Variants in CA12 observed in about 807,000 individuals in gnomAD.
CA12 encodes the protein carbonic anhydrase 12.
Under a neutral mutation model 46.8 loss-of-function variants are expected in CA12, and 36 were observed. The ratio of observed to expected loss-of-function variants is 0.77; its 90% CI spans 0.59 to 1.02. The LOEUF is 1.02. CA12 is among the 50% of genes least tolerant of loss of function. The pLI, the probability that CA12 is intolerant of heterozygous loss-of-function variation, is 0.00. For missense variants in CA12, 436 were observed against 451.4 expected, an observed-to-expected ratio of 0.97 and a Z score of 0.31; for synonymous variants, 202 against 187.0, an observed-to-expected ratio of 1.08 and a Z score of -0.65.
rs1438613364 is a variant in CA12 at position 63,331,055 on chromosome 15, AG to A, written c.875-2926del. Among the ~76,000 whole-genome samples the A allele has an allele frequency of 6.6e-6, 1 of 152,252 alleles. No individual in the cohort carries two copies. The highest frequency in any genetic ancestry group is 1.5e-5 in the Non-Finnish European group (1 of 68,044). On this transcript the variant is annotated intron_variant, in intron 8 of 10. Coordinates refer to ENST00000178638, the MANE Select transcript of CA12 (RefSeq NM_001218.5). The surrounding 1 kb of genome is among the most constrained non-coding windows in gnomAD (Gnocchi z 5.3). The stretch of plus-strand genomic sequence containing the variant: ...TGTCACCCGATAGTTCCACCACCTC[AG>A]GAAGCCCAGGGCAGGAAGGTGTTGT...
At position 63,338,864 on chromosome 15, in the gene CA12, C is replaced by T. The variant is rs764265301; in HGVS notation, c.829G>A (p.Val277Ile). 2.5e-6 allele frequency: 4 copies of T among 1,614,178 alleles called. No homozygotes were observed. The South Asian group carries it at 4.4e-5, about 18-fold the overall frequency. ...PREMINNFRQ[V>I]QKFDERLVYT... The stretch of plus-strand genomic sequence containing the variant: ...ACCAGCCTCTCATCGAACTTCTGGA[C>T]CTGCCGGAAGTTGTTGATCATTTCT... Residue 277 changes from valine (V) to isoleucine (I), a missense_variant, in exon 8 of 11, where the codon GTC (valine) becomes ATC (isoleucine). Val to Ile is a conservative substitution (Grantham distance 29). Coordinates refer to ENST00000178638, the MANE Select transcript of CA12 (RefSeq NM_001218.5).
intron 8 of CA12, among the ~76,000 whole-genome samples, chr15:63,333,865 G>T (rs1462831836): frequency 6.6e-6 from 1 of 152,196 alleles, no homozygotes; most frequent in Admixed American, 6.5e-5. Flanking sequence ...GCCCACTAAT[G>T]ATGTGATTAT....
chr15:63,374,357 T>A lies in CA12; in HGVS notation c.106+1301A>T, dbSNP rs1164437231. Among the ~76,000 whole-genome samples, 1 of 152,154 alleles carries A rather than the reference T, an allele frequency of 6.6e-6. No homozygotes were observed. Among genetic ancestry groups the A allele is most frequent in the South Asian group, 2.1e-4 (1 of 4,824 alleles). ...TCCAAGGCCCAGGTGAAAGCCCTCC[T>A]CCTCCAGGAGGCCTTCCCTGACCAT... On this transcript the variant is annotated intron_variant, in intron 2 of 10. Transcript: ENST00000178638. This position sits in a 1 kb window ranked among gnomAD's most constrained non-coding sequence, Gnocchi z 4.4.
At chr15:63,366,981 G>C (rs1011121900) in intron 2 of CA12, among the ~76,000 whole-genome samples, 2 of 152,176 alleles carry the variant, frequency 1.3e-5, no homozygotes, top group African/African-American at 4.8e-5. Flanking sequence ...GAGTGCAGTG[G>C]TATGATCTTG....
chr15:63,342,050 A>G lies in CA12; in HGVS notation c.477T>C (p.Thr159=), dbSNP rs2039085458. ...CGAGGCCTTCTGACTTGTTGCTGGCAGTGCTGGCGTCAGGATAAAGGTCTG... is the reference window on the plus strand; with the variant it reads ...CGAGGCCTTCTGACTTGTTGCTGGCGGTGCTGGCGTCAGGATAAAGGTCTG... ...YNSDLYPDAS[T]ASNKSEGLAV... Residue 159 remains threonine (T), a synonymous_variant, in exon 5 of 11, where the codon ACT becomes ACC. Transcript: ENST00000178638. The G allele has an allele frequency of 1.2e-6, 2 of 1,611,846 alleles. No homozygotes were observed. The highest frequency in any genetic ancestry group is 2.2e-5 in the South Asian group (2 of 91,032).
At chr15:63,333,596 T>C (rs535970495) in intron 8 of CA12, among the ~76,000 whole-genome samples, 1 of 152,360 alleles carries the variant, frequency 6.6e-6, no homozygotes, top group East Asian at 1.9e-4. Flanking sequence ...CTTTTACTTA[T>C]AAATGGAAAC....
chr15:63,348,131 A>G lies in CA12; in HGVS notation c.107-1422T>C, dbSNP rs999596006. Among the ~76,000 whole-genome samples, 2 of 152,322 alleles carry G rather than the reference A, an allele frequency of 1.3e-5. No individual in the cohort carries two copies. Among genetic ancestry groups the G allele is most frequent in the Non-Finnish European group, 2.9e-5 (2 of 68,034 alleles). ...CTTACTTCTAGGTCCGGACACACAC[A>G]TCGGAACCCTACTGATTTTTCAGGC... On this transcript the variant is annotated intron_variant, in intron 2 of 10. Transcript: ENST00000178638. The surrounding 1 kb of genome is among the most constrained non-coding windows in gnomAD (Gnocchi z 4.6).
rs1202845795 is a variant in CA12, at chr15:63,327,378, C to T, written c.908-145G>A. On this transcript the variant is annotated intron_variant, in intron 9 of 10. Transcript: ENST00000178638. The surrounding 1 kb of genome is among the most constrained non-coding windows in gnomAD (Gnocchi z 4.5). Reference sequence around the variant, plus strand: ...CCCATCCCTGTTCTCAGATTCTGGTCTTTGGCTTAGTGGGACTGGCTGGAG... The same window carrying T: ...CCCATCCCTGTTCTCAGATTCTGGTTTTTGGCTTAGTGGGACTGGCTGGAG... 5 of 749,718 alleles carry T rather than the reference C, an allele frequency of 6.7e-6. No homozygotes were observed. Among genetic ancestry groups the T allele is most frequent in the Non-Finnish European group, 1.2e-5 (5 of 429,654 alleles). 46.4% of individuals were successfully genotyped at this position (749,718 alleles called of 1,614,324 possible).
At chr15:63,356,270 G>A (rs2039294531) in intron 2 of CA12, among the ~76,000 whole-genome samples, 1 of 152,158 alleles carries the variant, frequency 6.6e-6, no homozygotes, top group Non-Finnish European at 1.5e-5. Context: ...GCATACGCCT[G>A]TAGTCCCAGC....
chr15:63,326,473 AC>A, intron 10 of CA12, 116 bp from the exon 11 acceptor site: 2 of 781,170 alleles, frequency 2.6e-6, no homozygotes, highest in Non-Finnish European at 4.5e-6. Context: ...TCTCTTTGGG[AC>A]CTTTCCCCAA....
In CA12 at chr15:63,340,523, G is replaced by A; in HGVS notation, c.590-78C>T. The A allele has an allele frequency of 6.3e-7, 1 of 1,581,718 alleles. No homozygotes were observed. Among genetic ancestry groups the A allele is most frequent in the Non-Finnish European group, 8.7e-7 (1 of 1,150,638 alleles). ...AAGTGCAGCTGAACAGAGCGACTGA[G>A]CCTAGAAACATGAACTAGCCCCTTT... On this transcript the variant is annotated intron_variant, in intron 6 of 10. Coordinates refer to ENST00000178638, the MANE Select transcript of CA12 (RefSeq NM_001218.5). This position sits in a 1 kb window ranked among gnomAD's most constrained non-coding sequence, Gnocchi z 4.4.
At chr15:63,326,649 T>C (rs1384269853) in intron 10 of CA12, among the ~76,000 whole-genome samples, 1 of 152,078 alleles carries the variant, frequency 6.6e-6, no homozygotes, top group Non-Finnish European at 1.5e-5. Flanking sequence ...ATAACAGGGT[T>C]CCCAGAAACC....
chr15:63,340,049 T>G lies in CA12; in HGVS notation c.747+239A>C. ...CTGAGGATATATTAGCAAATGCAGA[T>G]TTAGAGCTCTTTTTTTTAAAAAAGA... On this transcript the variant is annotated intron_variant, in intron 7 of 10. Coordinates refer to ENST00000178638, the MANE Select transcript of CA12 (RefSeq NM_001218.5). This position sits in a 1 kb window ranked among gnomAD's most constrained non-coding sequence, Gnocchi z 4.4. 5.5e-6 allele frequency: 3 copies of G among 546,524 alleles called. No homozygotes were observed. The highest frequency in any genetic ancestry group is 6.5e-6 in the Non-Finnish European group (2 of 305,596). The allele number at this position is 546,524 out of a possible 1,614,324, so 33.9% of individuals were successfully genotyped here.
At chr15:63,365,070 C>A (rs1202769000) in intron 2 of CA12, among the ~76,000 whole-genome samples, 1 of 152,224 alleles carries the variant, frequency 6.6e-6, no homozygotes, top group African/African-American at 2.4e-5. Context: ...ACCTCAGCCT[C>A]CCAGAGTTCT....
At position 63,348,507 on chromosome 15, in the gene CA12, G is replaced by A. The variant is rs2039183654; in HGVS notation, c.107-1798C>T. Among the ~76,000 whole-genome samples the A allele has an allele frequency of 6.6e-6, 1 of 152,198 alleles. No homozygotes were observed. The highest frequency in any genetic ancestry group is 1.5e-5 in the Non-Finnish European group (1 of 68,036). On this transcript the variant is annotated intron_variant, in intron 2 of 10. Transcript: ENST00000178638. This position sits in a 1 kb window ranked among gnomAD's most constrained non-coding sequence, Gnocchi z 4.6. ...AGGGTCAGGAAGAGACACAGCACAG[G>A]GTAAGACTCCCTAAGTGAGGCTGCC...
chr15:63,332,251 G>C (rs141727226), intron 8 of CA12, among the ~76,000 whole-genome samples: 201 of 152,370 alleles, frequency 1.3e-3, no homozygotes, highest in African/African-American at 4.6e-3. Context: ...TCACCACAGA[G>C]TGGAGCCATC....
At chr15:63,367,320 A>G (rs2039449007) in intron 2 of CA12, among the ~76,000 whole-genome samples, 1 of 152,240 alleles carries the variant, frequency 6.6e-6, no homozygotes, top group Non-Finnish European at 1.5e-5. Context: ...CAAAGCCAAA[A>G]GAGTCAACAG....
At chr15:63,381,058 G>C (rs888149218) in intron 1 of CA12, among the ~76,000 whole-genome samples, 11 of 151,992 alleles carry the variant, frequency 7.2e-5, no homozygotes, top group Non-Finnish European at 1.5e-4. Flanking sequence ...GCGTGCGCGC[G>C]TGCGTGTGTG....
At chr15:63,346,419 CTCCTCCTGGATGCTTCCACGGAA>C in intron 3 of CA12, 88 bp downstream of exon 3, 1 of 789,186 alleles carries the variant, frequency 1.3e-6, no homozygotes, top group Non-Finnish European at 2.2e-6. Flanking sequence ...CGCCCCACCC[CTCCTCCTGGATGCTTCCACGGAA>C]CACCTCCCTG....
Sources: gnomAD v4.1 joint callset for allele counts (sites outside exome capture counted in the v4.1 genomes callset) on GRCh38, gnomAD v4.1.1 for gene constraint, Gnocchi (gnomAD v3.1) non-coding constraint, MANE v1.5 for transcripts, NCBI Gene and HGNC (gene_info 2026-07-23, HGNC 2026-07-21) for gene names.